The following NRG3 variants were observed in gnomAD, a reference collection of about 807,000 sequenced individuals.
The protein encoded by NRG3 is pro-neuregulin-3, membrane-bound isoform.
A neutral mutation model predicts 66.9 loss-of-function variants in NRG3; 31 were observed. The observed-to-expected ratio is 0.46, with a 90% CI of 0.35 to 0.63. NRG3 has a LOEUF of 0.63. Among genes scored for constraint, NRG3 ranks in the 20% least tolerant of loss-of-function variants. The probability of loss-of-function intolerance (pLI) is 0.00; values close to 1 mark genes in which losing one functional copy is unlikely to be tolerated. For missense variants in NRG3, 910 were observed against 878.9 expected (o/e 1.04, Z -0.45); for synonymous variants, 393 against 359.4 (o/e 1.09, Z -1.06).
chr10:82,086,168 A>G (rs2065714924), intron 1 of NRG3, among the ~76,000 whole-genome samples: 1 of 152,158 alleles, frequency 6.6e-6, no homozygotes, highest in Admixed American at 6.5e-5. Context: ...TATACTGTCA[A>G]CTAGTGTGAC....
intron 2 of NRG3, among the ~76,000 whole-genome samples, chr10:82,470,386 T>G (rs1359474937): frequency 6.6e-6 from 1 of 152,190 alleles, no homozygotes; most frequent in Non-Finnish European, 1.5e-5. Context: ...TCTCCTCTCT[T>G]GAGAATGTAT....
intron 1 of NRG3, chr10:82,232,878 G>C (rs1029690732): frequency 1.2e-4 from 84 of 716,430 alleles, no homozygotes; most frequent in Admixed American, 5.4e-4. Flanking sequence ...GGCAGGATAG[G>C]ATGAACAGTT....
At chr10:82,983,816 C>G (rs1441335060) in intron 8 of NRG3, among the ~76,000 whole-genome samples, 4 of 152,160 alleles carry the variant, frequency 2.6e-5, no homozygotes, top group Non-Finnish European at 5.9e-5. Context: ...TTCATGTGTT[C>G]ACTCAGTTCA....
At chr10:82,096,001 A>G (rs1228635338) in intron 1 of NRG3, among the ~76,000 whole-genome samples, 2 of 152,190 alleles carry the variant, frequency 1.3e-5, no homozygotes, top group Admixed American at 1.3e-4. Context: ...TGACCTGCAT[A>G]ATGTCATGAA....
At chr10:82,717,558 C>T (rs1027302317) in intron 2 of NRG3, among the ~76,000 whole-genome samples, 4 of 151,918 alleles carry the variant, frequency 2.6e-5, no homozygotes, top group Non-Finnish European at 4.4e-5. Context: ...CGCCACCACG[C>T]TTGGTTAATT....
intron 1 of NRG3, among the ~76,000 whole-genome samples, chr10:82,033,241 A>G (rs1394991257): frequency 1.3e-5 from 2 of 152,170 alleles, no homozygotes; most frequent in Non-Finnish European, 2.9e-5. Flanking sequence ...AGATTTGTAA[A>G]ATGGCTCAAT....
At chr10:82,149,104 T>A (rs1186176753) in intron 1 of NRG3, among the ~76,000 whole-genome samples, 1 of 151,842 alleles carries the variant, frequency 6.6e-6, no homozygotes, top group African/African-American at 2.4e-5. Flanking sequence ...GCCTACCTAA[T>A]AAAATATGAA....
intron 2 of NRG3, among the ~76,000 whole-genome samples, chr10:82,377,875 A>G (rs1189091646): frequency 6.6e-6 from 1 of 152,184 alleles, no homozygotes; most frequent in Non-Finnish European, 1.5e-5. Flanking sequence ...TTGGAGGATT[A>G]CCACTTCTGT....
At chr10:82,857,816 C>T (rs887898043) in intron 3 of NRG3, among the ~76,000 whole-genome samples, 8 of 152,186 alleles carry the variant, frequency 5.3e-5, no homozygotes, top group Admixed American at 2.6e-4. Context: ...AGTGACTTAG[C>T]GTAATTTCAT....
chr10:82,036,471 G>A (rs905670266), intron 1 of NRG3, among the ~76,000 whole-genome samples: 3 of 152,154 alleles, frequency 2.0e-5, no homozygotes, highest in Non-Finnish European at 4.4e-5. Context: ...TAACTTCCTC[G>A]TTGTAAGGGG....
intron 1 of NRG3, among the ~76,000 whole-genome samples, chr10:81,970,233 A>G (rs1014579168): frequency 5.3e-5 from 8 of 152,338 alleles, no homozygotes; most frequent in Non-Finnish European, 5.9e-5. Context: ...ATTTTTGTGC[A>G]TATAGCATAG....
rs191662091 is a variant in NRG3 at position 82,505,615 on chromosome 10, G to A, written c.953+146747G>A. 4.6e-5 allele frequency among the ~76,000 whole-genome samples: 7 copies of A among 152,274 alleles called. No homozygotes were observed. The East Asian group carries it at 1.4e-3, about 29-fold the overall frequency. ...CCCAGTCCCTTTCTCCCCCTTTGCA[G>A]TGATATGGAGCTACTACTACCTACT... On this transcript the variant is annotated intron_variant, in intron 2 of 8. Coordinates refer to ENST00000372141, the MANE Select transcript of NRG3 (RefSeq NM_001010848.4).
chr10:82,558,954 A>G (rs1001490589), intron 2 of NRG3, among the ~76,000 whole-genome samples: 1 of 152,168 alleles, frequency 6.6e-6, no homozygotes, highest in Admixed American at 6.5e-5. Context: ...TATTAAATAT[A>G]TAAAAAACAT....
intron 2 of NRG3, among the ~76,000 whole-genome samples, chr10:82,532,827 T>C (rs1397629913): frequency 6.6e-6 from 1 of 151,574 alleles, no homozygotes; most frequent in East Asian, 1.9e-4. Flanking sequence ...TCCTATTTTT[T>C]CTTTTTTGAG....
At chr10:82,373,763 C>A (rs1311053785) in intron 2 of NRG3, among the ~76,000 whole-genome samples, 1 of 152,164 alleles carries the variant, frequency 6.6e-6, no homozygotes, top group East Asian at 1.9e-4. Flanking sequence ...CAATCAAAAT[C>A]ACATGGAAGC....
intron 3 of NRG3, among the ~76,000 whole-genome samples, chr10:82,816,279 T>C (rs1430751768): frequency 6.6e-6 from 1 of 152,232 alleles, no homozygotes; most frequent in Non-Finnish European, 1.5e-5. Flanking sequence ...GAATGAGGTA[T>C]GCAGACAACT....
intron 3 of NRG3, among the ~76,000 whole-genome samples, chr10:82,834,863 T>G (rs2135704447): frequency 6.6e-6 from 1 of 152,328 alleles, no homozygotes; most frequent in East Asian, 1.9e-4. Context: ...TAGGAAACAC[T>G]TAGAGCCACT....
At chr10:82,782,023 A>T (rs910580798) in intron 3 of NRG3, among the ~76,000 whole-genome samples, 3 of 152,086 alleles carry the variant, frequency 2.0e-5, no homozygotes, top group Admixed American at 2.0e-4. Flanking sequence ...GCACTTTCAG[A>T]TTTTTAGATG....
intron 4 of NRG3, among the ~76,000 whole-genome samples, chr10:82,917,976 A>G (rs1320356830): frequency 3.1e-4 from 36 of 116,432 alleles, no homozygotes; most frequent in Non-Finnish European, 4.1e-4. Context: ...GTGTGTATAT[A>G]TATATATATA....
Sources: allele counts gnomAD v4.1 joint callset (sites outside exome capture counted in the v4.1 genomes callset), GRCh38; gene constraint gnomAD v4.1.1; transcripts MANE v1.5; gene names NCBI Gene and HGNC (gene_info 2026-07-23, HGNC 2026-07-21).